Variants in KCNH1 observed in about 807,000 individuals in gnomAD.
KCNH1 encodes potassium voltage-gated channel subfamily H member 1.
In KCNH1, 27 loss-of-function variants were observed where a neutral mutation model predicts 69.2. The ratio of observed to expected loss-of-function variants is 0.39; its 90% CI spans 0.29 to 0.54. The LOEUF is 0.54. Among genes scored for constraint, KCNH1 ranks in the 20% least tolerant of loss-of-function variants. The probability of loss-of-function intolerance (pLI) is 0.68; values close to 1 mark genes in which losing one functional copy is unlikely to be tolerated. For synonymous variants in KCNH1, 456 were observed against 487.7 expected, an observed-to-expected ratio of 0.93 and a Z score of 0.86; for missense variants, 798 against 1,261.6, an observed-to-expected ratio of 0.63 and a Z score of 5.57.
chr1:210,818,952 A>G (rs1684872668), intron 7 of KCNH1, among the ~76,000 whole-genome samples: 2 of 152,340 alleles, frequency 1.3e-5, no homozygotes, highest in African/African-American at 4.8e-5. Context: ...TACAGGCACC[A>G]TTACCTCATC....
intron 5 of KCNH1, among the ~76,000 whole-genome samples, chr1:211,025,649 C>A (rs941293667): frequency 1.3e-5 from 2 of 152,018 alleles, no homozygotes; most frequent in Non-Finnish European, 2.9e-5. Flanking sequence ...CTTTGGAACA[C>A]CAAGCTCTGT....
chr1:210,696,730 GGA>G, intron 10 of KCNH1, among the ~76,000 whole-genome samples: 1 of 152,310 alleles, frequency 6.6e-6, no homozygotes, highest in South Asian at 2.1e-4. Context: ...CAGGACTTGG[GGA>G]GAGGGCATGT....
At chr1:211,061,911 A>G (rs1690439283) in intron 5 of KCNH1, among the ~76,000 whole-genome samples, 1 of 152,212 alleles carries the variant, frequency 6.6e-6, no homozygotes, top group African/African-American at 2.4e-5. Flanking sequence ...TACAAATTCA[A>G]TGCAATCCCT....
chr1:210,874,608 T>C (rs548533230), intron 7 of KCNH1, among the ~76,000 whole-genome samples: 3 of 152,224 alleles, frequency 2.0e-5, no homozygotes, highest in African/African-American at 7.2e-5. Flanking sequence ...ATAAGTAAAA[T>C]GTAGTAGTTT....
At chr1:211,095,399 T>C (rs1430566416) in intron 3 of KCNH1, among the ~76,000 whole-genome samples, 1 of 152,210 alleles carries the variant, frequency 6.6e-6, no homozygotes, top group African/African-American at 2.4e-5. Context: ...AGGATGAGGA[T>C]GTCCAATGGG....
chr1:211,045,975 G>A (rs145611453), intron 5 of KCNH1, among the ~76,000 whole-genome samples: 20 of 152,178 alleles, frequency 1.3e-4, no homozygotes, highest in East Asian at 1.9e-4. Context: ...TTAGCATAAC[G>A]TCCTCCAGTT....
At chr1:210,738,127 T>C (rs971589336) in intron 10 of KCNH1, among the ~76,000 whole-genome samples, 1 of 151,688 alleles carries the variant, frequency 6.6e-6, no homozygotes, top group African/African-American at 2.4e-5. Flanking sequence ...ACCATATTGG[T>C]CTCTTTGCTT....
intron 6 of KCNH1, among the ~76,000 whole-genome samples, chr1:210,976,170 A>G (rs1688606613): frequency 6.6e-6 from 1 of 152,120 alleles, no homozygotes; most frequent in South Asian, 2.1e-4. Flanking sequence ...AACGAGTTCA[A>G]CCATTGTGGA....
chr1:210,988,063 G>A (rs985212146), intron 6 of KCNH1, among the ~76,000 whole-genome samples: 1 of 152,224 alleles, frequency 6.6e-6, no homozygotes, highest in African/African-American at 2.4e-5. Flanking sequence ...AGATTCTGTG[G>A]GTGTAGGACC....
At chr1:211,090,184 A>T (rs142391824) in intron 4 of KCNH1, among the ~76,000 whole-genome samples, 29 of 152,370 alleles carry the variant, frequency 1.9e-4, no homozygotes, top group African/African-American at 6.7e-4. Context: ...CAAATCTAAG[A>T]AAGTTTATAT....
chr1:211,034,437 G>T (rs772701361), intron 5 of KCNH1, among the ~76,000 whole-genome samples: 56 of 149,498 alleles, frequency 3.7e-4, no homozygotes, highest in Non-Finnish European at 7.4e-4. Context: ...GGAAGGAAGG[G>T]GGTGGGGGGT....
chr1:210,848,484 G>A (rs940219550), intron 7 of KCNH1, among the ~76,000 whole-genome samples: 26 of 152,136 alleles, frequency 1.7e-4, no homozygotes, highest in African/African-American at 5.8e-4. Flanking sequence ...GGACTCTAGC[G>A]TCTCACCCAC....
In KCNH1 at chr1:210,970,250, T is replaced by C. The variant is rs533897893; in HGVS notation, c.1032+48533A>G. Among the ~76,000 whole-genome samples the C allele has an allele frequency of 7.2e-5, 11 of 152,056 alleles. No individual in the cohort carries two copies. The East Asian group carries it at 2.1e-3, about 29-fold the overall frequency. ...TGCACACATTAGCTATTTGTCCTGATATTCTCCCTCCCCTTGTCCCCCACC... is the reference window on the plus strand; with the variant it reads ...TGCACACATTAGCTATTTGTCCTGACATTCTCCCTCCCCTTGTCCCCCACC... On this transcript the variant is annotated intron_variant, in intron 6 of 10. Coordinates refer to ENST00000271751, the MANE Select transcript of KCNH1 (RefSeq NM_172362.3).
intron 7 of KCNH1, among the ~76,000 whole-genome samples, chr1:210,907,277 G>T (rs1007897479): frequency 8.5e-5 from 13 of 152,154 alleles, no homozygotes; most frequent in Non-Finnish European, 1.9e-4. Context: ...TAAGTGCCAA[G>T]AAATTGTACC....
intron 7 of KCNH1, among the ~76,000 whole-genome samples, chr1:210,900,402 A>G (rs1048583829): frequency 5.3e-5 from 8 of 152,194 alleles, no homozygotes; most frequent in African/African-American, 1.7e-4. Flanking sequence ...TTTCAGCTAC[A>G]TACATCTTTG....
intron 10 of KCNH1, among the ~76,000 whole-genome samples, chr1:210,713,653 A>AT (rs756036534): frequency 1.5e-4 from 23 of 151,972 alleles, no homozygotes; most frequent in East Asian, 3.9e-4. Context: ...TCCGTCTGCG[A>AT]TTTTTTCTTC....
intron 7 of KCNH1, among the ~76,000 whole-genome samples, chr1:210,845,823 G>A (rs1279987615): frequency 6.6e-6 from 1 of 152,174 alleles, no homozygotes; most frequent in African/African-American, 2.4e-5. Context: ...TGTATATCTA[G>A]AAAACCCCAT....
chr1:210,937,772 T>C (rs1021097107), intron 6 of KCNH1, among the ~76,000 whole-genome samples: 1 of 152,100 alleles, frequency 6.6e-6, no homozygotes, highest in African/African-American at 2.4e-5. Context: ...CCTTTTTTCC[T>C]CCTTATATTA....
chr1:210,810,401 C>T (rs1024077167), intron 7 of KCNH1, among the ~76,000 whole-genome samples: 3 of 152,084 alleles, frequency 2.0e-5, no homozygotes, highest in Non-Finnish European at 2.9e-5. Context: ...TTGTGCTAAA[C>T]CCTTTCAATC....
Sources: allele counts gnomAD v4.1 joint callset (sites outside exome capture counted in the v4.1 genomes callset), GRCh38; gene constraint gnomAD v4.1.1; transcripts MANE v1.5; gene names NCBI Gene and HGNC (gene_info 2026-07-23, HGNC 2026-07-21).